The following NLRP14 variants were observed in gnomAD, a reference collection of about 807,000 sequenced individuals.
NLRP14 encodes the protein NLR family pyrin domain containing 14, also known as NACHT, LRR and PYD domains-containing protein 14.
Under a neutral mutation model 94.7 loss-of-function variants are expected in NLRP14, and 105 were observed. The observed-to-expected ratio is 1.11, with a 90% CI of 0.95 to 1.30. The LOEUF (loss-of-function observed/expected upper bound fraction) is 1.30. NLRP14 is among the 50% of genes most tolerant of loss of function. The probability of loss-of-function intolerance (pLI) is 0.00; values close to 1 mark genes in which losing one functional copy is unlikely to be tolerated. For missense variants in NLRP14, 1,362 were observed against 1,254.1 expected (o/e 1.09, Z -1.30); for synonymous variants, 508 against 459.9 (o/e 1.10, Z -1.34).
intron 6 of NLRP14, among the ~76,000 whole-genome samples, chr11:7,053,817 C>G (rs967150078): frequency 1.3e-5 from 2 of 152,024 alleles, no homozygotes; most frequent in African/African-American, 4.8e-5. Context: ...CAAGTATACT[C>G]TTTTAGTTAT....
intron 10 of NLRP14, among the ~76,000 whole-genome samples, chr11:7,066,036 A>G (rs978531867): frequency 6.6e-6 from 1 of 151,998 alleles, no homozygotes; most frequent in Non-Finnish European, 1.5e-5. Flanking sequence ...AAGGACATGA[A>G]CTCATCCTTT....
chr11:7,078,623 C>T, the NLRP14 span, among the ~76,000 whole-genome samples: 2 of 151,326 alleles, frequency 1.3e-5, no homozygotes, highest in South Asian at 2.1e-4. Flanking sequence ...AACCCCGTCT[C>T]TACTAAAAAT....
intron 1 of NLRP14, among the ~76,000 whole-genome samples, chr11:7,026,977 G>A (rs1852025457): frequency 6.6e-6 from 1 of 151,646 alleles, no homozygotes; most frequent in South Asian, 2.1e-4. Context: ...TAATAAAAAA[G>A]AAAAGAAGCA....
intron 1 of NLRP14, among the ~76,000 whole-genome samples, chr11:7,029,322 A>G (rs935787053): frequency 1.3e-5 from 2 of 152,220 alleles, no homozygotes; most frequent in African/African-American, 4.8e-5. Flanking sequence ...GCAACAAATG[A>G]ACAAGTACTA....
chr11:7,081,677 G>A, the NLRP14 span, among the ~76,000 whole-genome samples: 1 of 152,134 alleles, frequency 6.6e-6, no homozygotes, highest in Admixed American at 6.5e-5. Context: ...AGATGAGGAG[G>A]TACATAAGGC....
chr11:7,074,687 G>A (rs1852851884), downstream of NLRP14, among the ~76,000 whole-genome samples: 2 of 152,184 alleles, frequency 1.3e-5, no homozygotes, highest in African/African-American at 4.8e-5. Flanking sequence ...ATGAGTGATT[G>A]AGGCATAAGT....
intron 1 of NLRP14, among the ~76,000 whole-genome samples, chr11:7,029,988 A>G (rs11041145): frequency 0.047 from 7,226 of 152,284 alleles, 330 homozygotes; most frequent in African/African-American, 0.11. Context: ...TTTGCCAATA[A>G]CGCTTAAAGT....
At chr11:7,068,589 G>C (rs1020296246) in intron 10 of NLRP14, among the ~76,000 whole-genome samples, 1 of 152,178 alleles carries the variant, frequency 6.6e-6, no homozygotes, top group Non-Finnish European at 1.5e-5. Flanking sequence ...GTTCTTTGAA[G>C]TTTGTTGTCA....
the NLRP14 span, chr11:7,089,722 C>A: frequency 6.5e-7 from 1 of 1,530,266 alleles, no homozygotes; most frequent in Non-Finnish European, 8.8e-7. Flanking sequence ...CCGCTGCCCC[C>A]GCGCCGCGAC....
chr11:7,042,643 A>G lies in NLRP14; in HGVS notation c.617A>G (p.Tyr206Cys), dbSNP rs1295322892. 1.2e-6 allele frequency: 2 copies of G among 1,614,150 alleles called. No individual in the cohort carries two copies. Among genetic ancestry groups the G allele is most frequent in the South Asian group, 1.1e-5 (1 of 91,084 alleles). ...AMLDWAEGSLYQQRFKYVFYL... is the reference protein window; with the variant it reads ...AMLDWAEGSLCQQRFKYVFYL... ...TTAGATTGGGCAGAGGGCAGTCTCTACCAGCAGAGGTTTAAGTATGTTTTT... is the reference window on the plus strand; with the variant it reads ...TTAGATTGGGCAGAGGGCAGTCTCTGCCAGCAGAGGTTTAAGTATGTTTTT... Residue 206 changes from tyrosine (Y) to cysteine (C), a missense_variant, in exon 4 of 12, where the codon TAC becomes TGC. By Grantham distance (194) the Tyr-to-Cys change is radical. Coordinates refer to ENST00000299481, the MANE Select transcript of NLRP14 (RefSeq NM_176822.4).
At chr11:7,039,476 C>T (rs925294646) in intron 2 of NLRP14, among the ~76,000 whole-genome samples, 5 of 152,030 alleles carry the variant, frequency 3.3e-5, no homozygotes, top group Non-Finnish European at 7.4e-5. Context: ...ACTATTTGCC[C>T]TGGAGCTACA....
At chr11:7,048,276 C>T (rs1852389377) in intron 5 of NLRP14, among the ~76,000 whole-genome samples, 2 of 152,164 alleles carry the variant, frequency 1.3e-5, no homozygotes, top group South Asian at 4.2e-4. Context: ...TGCTGTCAGT[C>T]TTTTTTAAAT....
chr11:7,041,789 T>A (rs894207503), intron 3 of NLRP14, among the ~76,000 whole-genome samples: 3 of 152,214 alleles, frequency 2.0e-5, no homozygotes, highest in East Asian at 3.8e-4. Flanking sequence ...TTCCCTGAGA[T>A]CCTATCCTTT....
At chr11:7,044,958 GT>G (rs753996360) in intron 4 of NLRP14, among the ~76,000 whole-genome samples, 17 of 152,122 alleles carry the variant, frequency 1.1e-4, no homozygotes, top group Non-Finnish European at 2.1e-4. Flanking sequence ...TCTTCTGATA[GT>G]CTTATTAGGT....
the NLRP14 span, chr11:7,089,023 A>G: frequency 7.1e-7 from 1 of 1,414,886 alleles, no homozygotes. Context: ...GCGCCGCCTG[A>G]CCAGTAGGAG....
At chr11:7,048,142 C>T (rs552041708) in intron 5 of NLRP14, among the ~76,000 whole-genome samples, 2 of 152,224 alleles carry the variant, frequency 1.3e-5, no homozygotes, top group African/African-American at 4.8e-5. Context: ...TTTTTTATTG[C>T]TGATTAGTAT....
intron 1 of NLRP14, among the ~76,000 whole-genome samples, chr11:7,029,728 A>C (rs1852065392): frequency 6.6e-6 from 1 of 152,256 alleles, no homozygotes; most frequent in South Asian, 2.1e-4. Flanking sequence ...CGTGAATGTA[A>C]TATTCAGCAC....
chr11:7,078,462 A>AAAAAAAAAAAAAAAAAAATAAG, the NLRP14 span, among the ~76,000 whole-genome samples: 1 of 88,486 alleles, frequency 1.1e-5, no homozygotes, highest in African/African-American at 4.3e-5. Context: ...AAAAAAAAAA[A>AAAAAAAAAAAAAAAAAAATAAG]CAAAAAAATT....
At chr11:7,089,859 A>G in the NLRP14 span, 2 of 1,612,162 alleles carry the variant, frequency 1.2e-6, no homozygotes, top group Admixed American at 1.7e-5. Context: ...CGGCCACTCC[A>G]GTGTCCGGGA....
Sources: gnomAD v4.1 joint callset for allele counts (sites outside exome capture counted in the v4.1 genomes callset) on GRCh38, gnomAD v4.1.1 for gene constraint, MANE v1.5 for transcripts, NCBI Gene and HGNC (gene_info 2026-07-23, HGNC 2026-07-21) for gene names.